The following CWC27 variants were observed in gnomAD, a reference collection of about 807,000 sequenced individuals.
CWC27 encodes spliceosome-associated protein CWC27 homolog.
CWC27 carries 47 observed loss-of-function variants against 63.6 expected under a neutral mutation model. The ratio of observed to expected loss-of-function variants is 0.74; its 90% CI spans 0.58 to 0.94. The LOEUF (loss-of-function observed/expected upper bound fraction) is 0.94, where lower values mean the gene tolerates loss of function less well. CWC27 is among the 40% of genes least tolerant of loss of function. CWC27 has a pLI of 0.00. For synonymous variants in CWC27, 175 were observed against 179.8 expected (o/e 0.97, Z 0.22); for missense variants, 495 against 554.3 (o/e 0.89, Z 1.07).
At chr5:64,796,429 G>A (rs1190286120) in intron 7 of CWC27, among the ~76,000 whole-genome samples, 1 of 152,044 alleles carries the variant, frequency 6.6e-6, no homozygotes, top group East Asian at 1.9e-4. Flanking sequence ...ACTCAGGCAG[G>A]GTTTCTTTGT....
At chr5:65,001,212 AGTGTTTT>A (rs1749726364) in intron 13 of CWC27, among the ~76,000 whole-genome samples, 1 of 152,008 alleles carries the variant, frequency 6.6e-6, no homozygotes, top group Non-Finnish European at 1.5e-5. Flanking sequence ...CAGCTCTAAA[AGTGTTTT>A]GTGGAGTCTT....
intron 11 of CWC27, among the ~76,000 whole-genome samples, chr5:64,924,956 G>GACACACACACACACACAC (rs36083384): frequency 6.6e-4 from 96 of 145,556 alleles, no homozygotes; most frequent in African/African-American, 2.3e-3. Context: ...GTCTTTCTTA[G>GACACACACACACACACAC]ACACACACAC....
At chr5:64,869,297 T>C (rs148368826) in intron 10 of CWC27, among the ~76,000 whole-genome samples, 18 of 152,180 alleles carry the variant, frequency 1.2e-4, no homozygotes, top group Middle Eastern at 3.4e-3. Flanking sequence ...CCCACATAAA[T>C]ATAAATAAAG....
intron 13 of CWC27, among the ~76,000 whole-genome samples, chr5:64,977,755 GATAA>G (rs1749254367): frequency 6.6e-6 from 1 of 151,428 alleles, no homozygotes; most frequent in African/African-American, 2.4e-5. Context: ...TTAAGAGACT[GATAA>G]ATAAAGTAAT....
chr5:65,008,077 AT>A (rs1749883941), intron 13 of CWC27, among the ~76,000 whole-genome samples: 1 of 152,364 alleles, frequency 6.6e-6, no homozygotes, highest in African/African-American at 2.4e-5. Context: ...TATTCAATGT[AT>A]GAATTTTGCA....
chr5:64,834,457 T>A (rs1745606484), intron 10 of CWC27, among the ~76,000 whole-genome samples: 1 of 151,714 alleles, frequency 6.6e-6, no homozygotes, highest in African/African-American at 2.4e-5. Flanking sequence ...CATATTTTGT[T>A]TTAACCTCAT....
chr5:64,881,390 C>A (rs999443759), intron 10 of CWC27, among the ~76,000 whole-genome samples: 4 of 152,066 alleles, frequency 2.6e-5, no homozygotes, highest in African/African-American at 9.7e-5. Context: ...AAGCATTGTG[C>A]ATTCATTGCC....
chr5:64,925,226 G>C (rs1273827699), intron 11 of CWC27, among the ~76,000 whole-genome samples: 1 of 152,186 alleles, frequency 6.6e-6, no homozygotes, highest in Non-Finnish European at 1.5e-5. Context: ...GCTACAGGTA[G>C]AACTGATTTC....
At chr5:64,974,163 A>G (rs1024109145) in intron 12 of CWC27, among the ~76,000 whole-genome samples, 3 of 151,962 alleles carry the variant, frequency 2.0e-5, no homozygotes, top group Non-Finnish European at 4.4e-5. Context: ...GCTTGAGCCC[A>G]GTAGGTCGAC....
Position 64,885,441 on chromosome 5 carries a change from A to G in CWC27, c.939-2A>G. On this transcript the variant is annotated splice_acceptor_variant, in intron 10 of 13. Transcript: ENST00000381070. LOFTEE classifies it high-confidence loss of function. ...ACTTATATAACTCTTTTTGCTTTAT[A>G]GTGAAGAGCTCAGAAAAGAAGCAAG... 1 of 1,597,364 alleles carries G rather than the reference A, an allele frequency of 6.3e-7. No homozygotes were observed. The highest frequency in any genetic ancestry group is 1.1e-5 in the South Asian group (1 of 88,010).
intron 11 of CWC27, among the ~76,000 whole-genome samples, chr5:64,956,165 A>C (rs1053832624): frequency 6.6e-6 from 1 of 152,192 alleles, no homozygotes; most frequent in Admixed American, 6.5e-5. Context: ...CTCACAAATA[A>C]TCAATAATTA....
chr5:64,816,239 A>G (rs1433615), intron 10 of CWC27, among the ~76,000 whole-genome samples: 53,532 of 151,846 alleles, frequency 0.35, 9,886 homozygotes, highest in East Asian at 0.51. Context: ...TCAGGTGTCC[A>G]CTCAATTATG....
chr5:64,779,671 A>C (rs532979257), intron 2 of CWC27, among the ~76,000 whole-genome samples: 3 of 152,158 alleles, frequency 2.0e-5, no homozygotes, highest in Non-Finnish European at 4.4e-5. Flanking sequence ...CCATTAACCC[A>C]GTCATTCTCT....
At chr5:64,887,614 T>C (rs1159697742) in intron 11 of CWC27, among the ~76,000 whole-genome samples, 5 of 152,180 alleles carry the variant, frequency 3.3e-5, no homozygotes, top group Non-Finnish European at 7.4e-5. Flanking sequence ...GTGATCTGCC[T>C]GCCTCAGCAG....
chr5:64,927,895 C>T (rs943812485), intron 11 of CWC27, among the ~76,000 whole-genome samples: 8 of 152,172 alleles, frequency 5.3e-5, no homozygotes, highest in Non-Finnish European at 8.8e-5. Context: ...TGGCTCATGC[C>T]TGTAATCCCA....
At chr5:64,953,068 T>A (rs1291720925) in intron 11 of CWC27, among the ~76,000 whole-genome samples, 2 of 152,120 alleles carry the variant, frequency 1.3e-5, no homozygotes, top group African/African-American at 2.4e-5. Context: ...CTCACCCATT[T>A]GGTTATGGTT....
In CWC27 at chr5:64,801,251, G is replaced by A. The variant is rs768804788; in HGVS notation, c.750-51G>A. ...TAGATTTTTGGGTTACAAAATAATT[G>A]TGTTAGTTTTACCTTGAAACTAAAA... On this transcript the variant is annotated intron_variant, in intron 8 of 13. Transcript: ENST00000381070. 4.0e-5 allele frequency: 54 copies of A among 1,355,958 alleles called. No homozygotes were observed. The Middle Eastern group carries it at 3.2e-3, about 80-fold the overall frequency. 84.0% of individuals were successfully genotyped at this position (1,355,958 alleles called of 1,614,324 possible). A position where few individuals can be genotyped will look rare whatever the true frequency, so the allele number is the denominator to read the frequency against.
At chr5:65,004,864 A>C (rs1280599631) in intron 13 of CWC27, among the ~76,000 whole-genome samples, 1 of 11,302 alleles carries the variant, frequency 8.8e-5, no homozygotes, top group Admixed American at 1.1e-3. Flanking sequence ...ACTTTTTCAT[A>C]TATATATATA....
chr5:64,991,489 C>A (rs535119573), intron 13 of CWC27, among the ~76,000 whole-genome samples: 4 of 152,338 alleles, frequency 2.6e-5, no homozygotes, highest in African/African-American at 7.2e-5. Flanking sequence ...CTTTGAGAGG[C>A]TGAGATGGGA....
Sources: gnomAD v4.1 joint callset for allele counts (sites outside exome capture counted in the v4.1 genomes callset) on GRCh38, gnomAD v4.1.1 for gene constraint, MANE v1.5 for transcripts, NCBI Gene and HGNC (gene_info 2026-07-23, HGNC 2026-07-21) for gene names.